The following KIAA1671 variants were observed in gnomAD, a reference collection of about 807,000 sequenced individuals.
KIAA1671 encodes KIAA1671.
Under a neutral mutation model 131.2 loss-of-function variants are expected in KIAA1671, and 52 were observed. The ratio of observed to expected loss-of-function variants is 0.40; its 90% CI spans 0.32 to 0.50. The LOEUF (loss-of-function observed/expected upper bound fraction) is 0.50. Ranked by LOEUF, KIAA1671 falls within the 20% of genes least tolerant of loss-of-function variation. The pLI, the probability that KIAA1671 is intolerant of heterozygous loss-of-function variation, is 0.73. For synonymous variants in KIAA1671, 1,003 were observed against 961.6 expected (o/e 1.04, Z -0.80); for missense variants, 2,360 against 2,364.2 (o/e 1.00, Z 0.04).
In KIAA1671 at chr22:25,121,306, C is replaced by T. The variant is rs182163823; in HGVS notation, c.4531-49514C>T. 5.3e-5 allele frequency among the ~76,000 whole-genome samples: 8 copies of T among 151,928 alleles called. No individual in the cohort carries two copies. The East Asian group carries it at 1.4e-3, about 26-fold the overall frequency. On this transcript the variant is annotated intron_variant, in intron 6 of 12. Transcript: ENST00000358431. ...TGAAAACCTATCTCTACTAAAAATACAAAAAATTAGCTGGGCAAGGTGGTG... is the reference window on the plus strand; with the variant it reads ...TGAAAACCTATCTCTACTAAAAATATAAAAAATTAGCTGGGCAAGGTGGTG...
intron 6 of KIAA1671, among the ~76,000 whole-genome samples, chr22:25,164,183 C>CA (rs1295438641): frequency 6.6e-6 from 1 of 152,168 alleles, no homozygotes; most frequent in African/African-American, 2.4e-5. Flanking sequence ...TTCTGAGAGC[C>CA]TCCTGATGCA....
Position 25,135,962 on chromosome 22 carries a change from A to G in KIAA1671, c.4531-34858A>G, listed in dbSNP as rs73403536. On this transcript the variant is annotated intron_variant, in intron 6 of 12. Coordinates refer to ENST00000358431, the MANE Select transcript of KIAA1671 (RefSeq NM_001145206.2). ...GTAGGTATTATCATCCTGCTTTACA[A>G]TTGTGGGAACTGAGGCTCAGGAAGG... is the stretch of plus-strand genomic sequence containing the variant. 1.4e-3 allele frequency among the ~76,000 whole-genome samples: 219 copies of G among 152,324 alleles called. 1 individual carries two copies. The highest frequency in any genetic ancestry group is 4.7e-3 in the African/African-American group (196 of 41,572).
intron 1 of KIAA1671, among the ~76,000 whole-genome samples, chr22:24,977,841 C>T (rs1215188020): frequency 2.6e-5 from 4 of 152,292 alleles, no homozygotes; most frequent in African/African-American, 7.2e-5. Flanking sequence ...CATTCGGCAC[C>T]GTAGTCCTTA....
At chr22:25,016,023 T>A (rs1168291652) in intron 1 of KIAA1671, among the ~76,000 whole-genome samples, 3 of 83,260 alleles carry the variant, frequency 3.6e-5, no homozygotes, top group African/African-American at 3.0e-4. Flanking sequence ...CTTCTTTTTT[T>A]TCTTTTTTTT....
At chr22:25,173,425 A>G (rs1173743646) in intron 7 of KIAA1671, among the ~76,000 whole-genome samples, 1 of 152,198 alleles carries the variant, frequency 6.6e-6, no homozygotes, top group Non-Finnish European at 1.5e-5. Flanking sequence ...TTATTAAATG[A>G]CTGAATGAAT....
At chr22:25,006,805 CTCTT>C (rs1182925427) in intron 1 of KIAA1671, among the ~76,000 whole-genome samples, 4 of 152,204 alleles carry the variant, frequency 2.6e-5, no homozygotes, top group African/African-American at 7.2e-5. Flanking sequence ...CACGTTCTCT[CTCTT>C]TGACTCTGAC....
In KIAA1671 at chr22:25,194,508, C is replaced by T. The variant is rs1601401511; in HGVS notation, c.*2107C>T. On this transcript the variant is annotated 3_prime_UTR_variant, in exon 13 of 13. Transcript: ENST00000358431. The stretch of plus-strand genomic sequence containing the variant: ...ACCTGCTCTTACATATATTGATGGT[C>T]CTCATGCAAAACTCTCAATTCTTAA... The T allele has an allele frequency of 6.6e-6, 1 of 152,298 alleles. No individual in the cohort carries two copies. 9.4% of individuals were successfully genotyped at this position (152,298 alleles called of 1,614,324 possible).
At chr22:25,045,450 G>T (rs1267147512) in intron 5 of KIAA1671, among the ~76,000 whole-genome samples, 2 of 152,208 alleles carry the variant, frequency 1.3e-5, no homozygotes, top group Non-Finnish European at 2.9e-5. Context: ...GAATGCTCCA[G>T]CCCCAAGTGT....
chr22:25,048,981 T>G, intron 5 of KIAA1671: 1 of 464,808 alleles, frequency 2.2e-6, no homozygotes, highest in Non-Finnish European at 3.9e-6. Flanking sequence ...CTTTCCCAGA[T>G]AGTTGAGGCT....
chr22:25,000,048 C>A (rs1405054186), intron 1 of KIAA1671, among the ~76,000 whole-genome samples: 1 of 151,648 alleles, frequency 6.6e-6, no homozygotes, highest in Non-Finnish European at 1.5e-5. Flanking sequence ...CCACGCCCAG[C>A]TAATTTTTTG....
intron 6 of KIAA1671, among the ~76,000 whole-genome samples, chr22:25,089,188 C>G (rs943787009): frequency 6.6e-6 from 1 of 150,872 alleles, no homozygotes; most frequent in East Asian, 1.9e-4. Context: ...ACTTAAGCAT[C>G]TGTGGATTTA....
At chr22:24,963,939 CAA>C (rs774845548) in intron 1 of KIAA1671, among the ~76,000 whole-genome samples, 26 of 66,226 alleles carry the variant, frequency 3.9e-4, no homozygotes, top group African/African-American at 6.5e-4. Context: ...GATTCCATCT[CAA>C]AAAAAAAAAA....
rs1362755417 is a variant in KIAA1671, at chr22:24,979,292, A to C, written c.-208+26520A>C. Among the ~76,000 whole-genome samples, 17 of 147,902 alleles carry C rather than the reference A, an allele frequency of 1.1e-4. No individual in the cohort carries two copies. The Admixed American group carries it at 1.2e-3, about 10-fold the overall frequency. ...CGGCCTCCCAATGTGCTGGGATTAG[A>C]GGTGTGAGCCACCATGCCCGGGCAA... On this transcript the variant is annotated intron_variant, in intron 1 of 12. Transcript: ENST00000358431.
At chr22:25,121,843 A>G (rs1931960427) in intron 6 of KIAA1671, among the ~76,000 whole-genome samples, 1 of 152,196 alleles carries the variant, frequency 6.6e-6, no homozygotes, top group Admixed American at 6.5e-5. Flanking sequence ...TGATTTCTTT[A>G]ATTGTAAGTT....
chr22:25,183,244 G>A (rs184373568), intron 10 of KIAA1671, among the ~76,000 whole-genome samples: 1 of 152,178 alleles, frequency 6.6e-6, no homozygotes, highest in Non-Finnish European at 1.5e-5. Flanking sequence ...TCCCCATGTG[G>A]GAGCGCCGTG....
intron 4 of KIAA1671, among the ~76,000 whole-genome samples, 155 bp from the exon 5 acceptor site, chr22:25,038,605 A>G (rs1032921735): frequency 6.6e-6 from 1 of 152,210 alleles, no homozygotes; most frequent in African/African-American, 2.4e-5. Context: ...ATTTCCCCAC[A>G]TCCTCACCCA....
At chr22:24,954,230 T>C (rs1289010334) in intron 1 of KIAA1671, among the ~76,000 whole-genome samples, 3 of 152,206 alleles carry the variant, frequency 2.0e-5, no homozygotes, top group Non-Finnish European at 4.4e-5. Context: ...GTTTGGCTAA[T>C]GAGTAACCAA....
Position 25,049,216 on chromosome 22 carries a change from G to A in KIAA1671, c.4396-14G>A. ...GCTCCCAGTAAAGTCCTTTTCTTGT[G>A]CTCTGTGTTTCAGGTGCTGCCACGG... On this transcript the variant is annotated splice_polypyrimidine_tract_variant and intron_variant, in intron 5 of 12. Transcript: ENST00000358431. The A allele has an allele frequency of 6.4e-7, 1 of 1,550,678 alleles. No individual in the cohort carries two copies. Among genetic ancestry groups the A allele is most frequent in the East Asian group, 2.4e-5 (1 of 40,860 alleles).
intron 6 of KIAA1671, among the ~76,000 whole-genome samples, chr22:25,065,419 C>T (rs1194814282): frequency 6.6e-6 from 1 of 152,082 alleles, no homozygotes; most frequent in Non-Finnish European, 1.5e-5. Context: ...CATGCCATTC[C>T]TGCCCCGTCC....
Sources: gnomAD v4.1 joint callset for allele counts (sites outside exome capture counted in the v4.1 genomes callset) on GRCh38, gnomAD v4.1.1 for gene constraint, MANE v1.5 for transcripts, NCBI Gene and HGNC (gene_info 2026-07-23, HGNC 2026-07-21) for gene names.